Variants in UBE2L3 observed in about 807,000 individuals in gnomAD.
UBE2L3 encodes the protein ubiquitin-conjugating enzyme E2 L3.
UBE2L3 carries 1 observed loss-of-function variant against 17.8 expected under a neutral mutation model. That is an observed-to-expected ratio of 0.06 (90% CI 0.02 to 0.27). UBE2L3 has a LOEUF of 0.27. Among genes scored for constraint, UBE2L3 ranks in the 10% least tolerant of loss-of-function variants. The pLI is 1.00. For synonymous variants in UBE2L3, 44 were observed against 68.5 expected (o/e 0.64, Z 1.76); for missense variants, 40 against 192.6 (o/e 0.21, Z 4.69).
intron 2 of UBE2L3, among the ~76,000 whole-genome samples, chr22:21,606,632 T>G (rs906603334): frequency 1.3e-5 from 2 of 152,152 alleles, no homozygotes. Flanking sequence ...GGAGGATCAC[T>G]TGAACTCAGG....
chr22:21,617,180 A>G (rs1465677305), intron 3 of UBE2L3, among the ~76,000 whole-genome samples: 1 of 151,086 alleles, frequency 6.6e-6, no homozygotes, highest in Non-Finnish European at 1.5e-5. Flanking sequence ...GAACAAAAGG[A>G]AGGAAATATT....
chr22:21,621,010 T>G (rs555986643), intron 3 of UBE2L3, among the ~76,000 whole-genome samples: 58 of 152,262 alleles, frequency 3.8e-4, no homozygotes, highest in African/African-American at 1.3e-3. Context: ...ACAAGAGGAC[T>G]GGATTAGCCG....
At chr22:21,600,358 T>C (rs1928789301) in intron 2 of UBE2L3, among the ~76,000 whole-genome samples, 1 of 151,718 alleles carries the variant, frequency 6.6e-6, no homozygotes, top group South Asian at 2.1e-4. Flanking sequence ...TTATTCCTAC[T>C]ATTTACTTCC....
upstream of UBE2L3, among the ~76,000 whole-genome samples, chr22:21,566,668 C>A (rs1225316111): frequency 6.6e-6 from 1 of 152,044 alleles, no homozygotes; most frequent in Non-Finnish European, 1.5e-5. Context: ...TAGAAACCAA[C>A]TCCTCCCCTT....
intron 1 of UBE2L3, among the ~76,000 whole-genome samples, chr22:21,590,712 A>G (rs1413701884): frequency 6.6e-6 from 1 of 152,226 alleles, no homozygotes; most frequent in African/African-American, 2.4e-5. Flanking sequence ...TCCAGCCTTA[A>G]GGGACGTGCA....
chr22:21,581,811 GAA>G (rs112255426), intron 1 of UBE2L3, among the ~76,000 whole-genome samples: 1 of 145,818 alleles, frequency 6.9e-6, no homozygotes, highest in Non-Finnish European at 1.5e-5. Flanking sequence ...AAAAAAAAAA[GAA>G]AAAAAAATTC....
intron 3 of UBE2L3, among the ~76,000 whole-genome samples, chr22:21,611,286 T>G (rs1422354091): frequency 6.6e-6 from 1 of 152,144 alleles, no homozygotes; most frequent in Non-Finnish European, 1.5e-5. Flanking sequence ...GGAACACACA[T>G]GGACAGACAA....
intron 1 of UBE2L3, among the ~76,000 whole-genome samples, chr22:21,579,140 G>A (rs1488669024): frequency 1.3e-4 from 20 of 151,854 alleles, no homozygotes; most frequent in African/African-American, 3.4e-4. Context: ...ACAGGTGCCC[G>A]CCACCACGCC....
At chr22:21,555,289 C>G (rs1196797254) in intron 1 of UBE2L3, 2 of 152,058 alleles carry the variant, frequency 1.3e-5, no homozygotes, top group Non-Finnish European at 2.9e-5. Context: ...CAGGAAACCA[C>G]CAGCTTGTCT....
chr22:21,579,856 T>G (rs1268799526), intron 1 of UBE2L3, among the ~76,000 whole-genome samples: 2 of 152,188 alleles, frequency 1.3e-5, no homozygotes, highest in African/African-American at 4.8e-5. Context: ...TCTGTTACAA[T>G]TATTTACTTT....
Position 21,569,630 on chromosome 22 carries a change from G to A in UBE2L3, c.27+1859G>A, listed in dbSNP as rs371620115. Among the ~76,000 whole-genome samples, 13 of 152,218 alleles carry A rather than the reference G, an allele frequency of 8.5e-5. No individual in the cohort carries two copies. In the East Asian group the frequency reaches 2.1e-3, roughly 25 times the overall value. On this transcript the variant is annotated intron_variant, in intron 1 of 3. Coordinates refer to ENST00000342192, the MANE Select transcript of UBE2L3 (RefSeq NM_003347.4). The stretch of plus-strand genomic sequence containing the variant: ...GCAGTTAATCCTAACCTCTTACTTG[G>A]CATGCAGGACCTTTCTGAGACTGGC...
upstream of UBE2L3, among the ~76,000 whole-genome samples, chr22:21,565,948 C>CCCATTTT (rs1289894785): frequency 1.3e-5 from 2 of 150,072 alleles, no homozygotes; most frequent in Non-Finnish European, 3.0e-5. Flanking sequence ...ACCTCCATTC[C>CCCATTTT]CCATTTTCCA....
intron 2 of UBE2L3, among the ~76,000 whole-genome samples, chr22:21,594,769 C>T (rs1200669026): frequency 2.0e-5 from 3 of 152,164 alleles, no homozygotes; most frequent in African/African-American, 4.8e-5. Flanking sequence ...CCTGTGAGTG[C>T]AGCCCTTGCC....
intron 3 of UBE2L3, among the ~76,000 whole-genome samples, chr22:21,618,452 C>T (rs181486268): frequency 1.3e-3 from 192 of 151,960 alleles, no homozygotes; most frequent in African/African-American, 4.4e-3. Context: ...TGTAATCCCA[C>T]TACCCGGGAG....
chr22:21,602,581 A>G (rs1452396321), intron 2 of UBE2L3, among the ~76,000 whole-genome samples: 6 of 152,178 alleles, frequency 3.9e-5, no homozygotes, highest in African/African-American at 1.4e-4. Context: ...GGAAGATTAG[A>G]TTTGACCACA....
intron 1 of UBE2L3, among the ~76,000 whole-genome samples, chr22:21,591,566 C>T (rs920026209): frequency 7.2e-5 from 11 of 152,342 alleles, no homozygotes; most frequent in African/African-American, 2.6e-4. Flanking sequence ...GGCTCCGGTT[C>T]CCCCTTCCTT....
chr22:21,567,601 G>C (rs1926694839), upstream of UBE2L3: 1 of 1,504,166 alleles, frequency 6.6e-7, no homozygotes, highest in African/African-American at 1.4e-5. Flanking sequence ...GCGCCCCCCA[G>C]CACAGTGGGA....
intron 1 of UBE2L3, among the ~76,000 whole-genome samples, chr22:21,574,638 G>A (rs998834829): frequency 1.3e-5 from 2 of 152,184 alleles, no homozygotes; most frequent in African/African-American, 4.8e-5. Flanking sequence ...TGGAGAAAGA[G>A]TTACTGAGAC....
At chr22:21,584,102 C>T (rs530407076) in intron 1 of UBE2L3, among the ~76,000 whole-genome samples, 123 of 151,464 alleles carry the variant, frequency 8.1e-4, no homozygotes, top group African/African-American at 2.8e-3. Context: ...CTCGAACTCC[C>T]GACCTCAGGT....
Sources: allele counts gnomAD v4.1 joint callset (sites outside exome capture counted in the v4.1 genomes callset), GRCh38; gene constraint gnomAD v4.1.1; transcripts MANE v1.5; gene names NCBI Gene and HGNC (gene_info 2026-07-23, HGNC 2026-07-21).